The following ESR1 variants were observed in gnomAD, a reference collection of about 807,000 sequenced individuals.
ESR1 encodes the protein estrogen receptor 1, also known as estrogen receptor.
In ESR1, 12 loss-of-function variants were observed where a neutral mutation model predicts 52.7. That is an observed-to-expected ratio of 0.23 (90% CI 0.15 to 0.37). The LOEUF (loss-of-function observed/expected upper bound fraction) is 0.37, where lower values mean the gene tolerates loss of function less well. Among genes scored for constraint, ESR1 ranks in the 10% least tolerant of loss-of-function variants. The probability of loss-of-function intolerance (pLI) is 1.00; values close to 1 mark genes in which losing one functional copy is unlikely to be tolerated. For missense variants in ESR1, 584 were observed against 779.7 expected (o/e 0.75, Z 2.99); for synonymous variants, 305 against 316.8 (o/e 0.96, Z 0.39).
chr6:151,703,806 G>T (rs1447575186), intron 2 of ESR1, among the ~76,000 whole-genome samples: 1 of 152,140 alleles, frequency 6.6e-6, no homozygotes, highest in African/African-American at 2.4e-5. Flanking sequence ...TCCCTGAGTA[G>T]TCTTGCATTG....
chr6:152,092,155 T>G (rs111944712), intron 6 of ESR1, among the ~76,000 whole-genome samples: 1 of 152,232 alleles, frequency 6.6e-6, no homozygotes, highest in African/African-American at 2.4e-5. Context: ...ATTTTTCTGA[T>G]AGACACATTC....
chr6:151,698,463 T>C (rs1176103922), intron 1 of ESR1, among the ~76,000 whole-genome samples: 1 of 152,160 alleles, frequency 6.6e-6, no homozygotes, highest in Non-Finnish European at 1.5e-5. Context: ...CAGACATGTT[T>C]TCATTGCACT....
At position 152,078,533 on chromosome 6, in the gene ESR1, G is replaced by A. The variant is rs574112856; in HGVS notation, c.1370-15852G>A. Among the ~76,000 whole-genome samples, 19 of 152,228 alleles carry A rather than the reference G, an allele frequency of 1.2e-4. No individual in the cohort carries two copies. In the South Asian group the frequency reaches 2.9e-3, roughly 23 times the overall value. ...AGATGGCTGAATAGGAACAGCTCTG[G>A]TCTGTAGCTCCCAGCGAGATCGAAG... On this transcript the variant is annotated intron_variant, in intron 6 of 7. Coordinates refer to ENST00000206249, the MANE Select transcript of ESR1 (RefSeq NM_000125.4).
At chr6:152,118,080 C>A (rs2051230634) in intron 6 of ESR1, among the ~76,000 whole-genome samples, 1 of 152,186 alleles carries the variant, frequency 6.6e-6, no homozygotes, top group Non-Finnish European at 1.5e-5. Flanking sequence ...GATGGACATT[C>A]ATACTCTTCA....
chr6:151,941,825 C>T (rs903322242), intron 3 of ESR1, among the ~76,000 whole-genome samples: 1 of 152,200 alleles, frequency 6.6e-6, no homozygotes. Context: ...AAAGTTTCCA[C>T]ACCCTGCTTC....
chr6:151,996,923 A>C (rs2041538534), intron 4 of ESR1, among the ~76,000 whole-genome samples: 2 of 152,132 alleles, frequency 1.3e-5, no homozygotes, highest in South Asian at 4.1e-4. Flanking sequence ...TCCACTATCT[A>C]TTAAGGACAA....
intron 4 of ESR1, among the ~76,000 whole-genome samples, chr6:151,986,298 A>G (rs950076709): frequency 6.6e-6 from 1 of 152,134 alleles, no homozygotes; most frequent in African/African-American, 2.4e-5. Context: ...TAGTGCAAAA[A>G]TTTGTGATGA....
chr6:151,818,390 C>G (rs1200560141), intron 1 of ESR1, among the ~76,000 whole-genome samples: 2 of 152,200 alleles, frequency 1.3e-5, no homozygotes, highest in African/African-American at 2.4e-5. Context: ...TGTCCCAGGG[C>G]TCTCTGGGTC....
intron 2 of ESR1, among the ~76,000 whole-genome samples, chr6:151,739,313 T>C (rs2128054293): frequency 6.6e-6 from 1 of 152,266 alleles, no homozygotes; most frequent in Non-Finnish European, 1.5e-5. Flanking sequence ...ATAAACATGG[T>C]GTTTCTTGAT....
intron 2 of ESR1, among the ~76,000 whole-genome samples, chr6:151,852,832 G>A (rs1336265056): frequency 1.3e-5 from 2 of 151,892 alleles, no homozygotes; most frequent in Non-Finnish European, 2.9e-5. Context: ...GTACACATAT[G>A]AGCTGTCATG....
chr6:151,795,505 A>G (rs2128136231), intron 2 of ESR1, among the ~76,000 whole-genome samples: 1 of 152,084 alleles, frequency 6.6e-6, no homozygotes, highest in African/African-American at 2.4e-5. Flanking sequence ...AAAAAAAAAA[A>G]AAATCTGGAA....
intron 6 of ESR1, among the ~76,000 whole-genome samples, chr6:152,064,203 A>G (rs560170263): frequency 6.6e-6 from 1 of 152,342 alleles, no homozygotes; most frequent in East Asian, 1.9e-4. Flanking sequence ...TCTGAGAACT[A>G]GCTGGACAGA....
intron 6 of ESR1, among the ~76,000 whole-genome samples, chr6:152,124,488 AGGT>A (rs1331128163): frequency 1.3e-5 from 2 of 152,182 alleles, no homozygotes; most frequent in Non-Finnish European, 2.9e-5. Context: ...CTTCATCTCT[AGGT>A]GTCAACCTCT....
chr6:151,939,000 G>T (rs1285234899), intron 3 of ESR1, among the ~76,000 whole-genome samples: 1 of 152,156 alleles, frequency 6.6e-6, no homozygotes, highest in African/African-American at 2.4e-5. Context: ...AATTTGCTTT[G>T]ATGCAAATAT....
At chr6:151,987,094 T>C (rs1399807936) in intron 4 of ESR1, among the ~76,000 whole-genome samples, 1 of 151,758 alleles carries the variant, frequency 6.6e-6, no homozygotes, top group Non-Finnish European at 1.5e-5. Flanking sequence ...CCTCACAGAT[T>C]ATTTCTCATC....
upstream of ESR1, among the ~76,000 whole-genome samples, chr6:151,687,990 T>C (rs939271812): frequency 3.3e-5 from 5 of 152,224 alleles, no homozygotes; most frequent in African/African-American, 1.2e-4. Context: ...TTATACTGCT[T>C]CATTTAAATT....
chr6:152,122,235 T>G, intron 6 of ESR1: 1 of 769,136 alleles, frequency 1.3e-6, no homozygotes, highest in Admixed American at 2.4e-5. Context: ...CAAACCTTCT[T>G]GTTGTCTGTT....
At chr6:152,106,654 T>A (rs2051070568), downstream of ESR1, among the ~76,000 whole-genome samples, 1 of 152,218 alleles carries the variant, frequency 6.6e-6, no homozygotes, top group South Asian at 2.1e-4. Flanking sequence ...AGTGGCACAA[T>A]CTCAGCTCAC....
At chr6:151,740,818 C>T (rs1037850504) in intron 2 of ESR1, among the ~76,000 whole-genome samples, 4 of 152,088 alleles carry the variant, frequency 2.6e-5, no homozygotes, top group Admixed American at 1.3e-4. Context: ...GCATTTCTAC[C>T]TCTTCTCCTT....
Sources: allele counts gnomAD v4.1 joint callset (sites outside exome capture counted in the v4.1 genomes callset), GRCh38; gene constraint gnomAD v4.1.1; transcripts MANE v1.5; gene names NCBI Gene and HGNC (gene_info 2026-07-23, HGNC 2026-07-21).